Variants in NAV2 observed in about 807,000 individuals in gnomAD.
NAV2 encodes the protein helicase, APC down-regulated 1.
NAV2 carries 54 observed loss-of-function variants against 223.2 expected under a neutral mutation model. The ratio of observed to expected loss-of-function variants is 0.24; its 90% CI spans 0.19 to 0.30. The LOEUF (loss-of-function observed/expected upper bound fraction) is 0.30. Among genes scored for constraint, NAV2 ranks in the 10% least tolerant of loss-of-function variants. NAV2 has a pLI of 1.00. For missense variants in NAV2, 2,806 were observed against 3,147.5 expected, an observed-to-expected ratio of 0.89 and a Z score of 2.60; for synonymous variants, 1,279 against 1,239.3, an observed-to-expected ratio of 1.03 and a Z score of -0.67.
intron 10 of NAV2, among the ~76,000 whole-genome samples, chr11:19,966,106 C>A (rs946159522): frequency 1.3e-5 from 2 of 152,186 alleles, no homozygotes; most frequent in African/African-American, 4.8e-5. Flanking sequence ...CCTTGGAAGG[C>A]AGAGACTGTC....
At chr11:19,371,490 C>A (rs1175157491) in intron 1 of NAV2, among the ~76,000 whole-genome samples, 4 of 152,158 alleles carry the variant, frequency 2.6e-5, no homozygotes, top group Non-Finnish European at 5.9e-5. Flanking sequence ...AAGTAGTTAA[C>A]GTTTATTGAG....
chr11:19,722,739 T>C (rs1237904819), intron 1 of NAV2, among the ~76,000 whole-genome samples: 1 of 152,178 alleles, frequency 6.6e-6, no homozygotes, highest in Non-Finnish European at 1.5e-5. Context: ...GAACTCGAGC[T>C]GTGGATGGAT....
chr11:19,467,004 CACACACACACACACAG>C (rs1236546796), intron 1 of NAV2, among the ~76,000 whole-genome samples: 1 of 130,702 alleles, frequency 7.7e-6, no homozygotes, highest in African/African-American at 2.8e-5. Context: ...CACACACACA[CACACACACACACACAG>C]AGAGAGAGAG....
At chr11:19,421,934 G>T (rs1342536888) in intron 1 of NAV2, among the ~76,000 whole-genome samples, 7 of 152,126 alleles carry the variant, frequency 4.6e-5, no homozygotes, top group Non-Finnish European at 1.0e-4. Context: ...TCATTTTCTT[G>T]CTGTGTGACA....
At chr11:19,844,489 A>G (rs905787255) in intron 3 of NAV2, among the ~76,000 whole-genome samples, 8 of 152,218 alleles carry the variant, frequency 5.3e-5, no homozygotes, top group African/African-American at 1.9e-4. Context: ...TGGGACCAGA[A>G]ATGTTTTGGA....
chr11:19,511,346 G>A (rs909030034), intron 1 of NAV2: 3 of 152,196 alleles, frequency 2.0e-5, no homozygotes, highest in Admixed American at 2.0e-4. Flanking sequence ...AGGCTTATGT[G>A]AAATGTCCAA....
At chr11:20,083,270 C>A in intron 26 of NAV2, 91 bp downstream of exon 26, 1 of 1,019,760 alleles carries the variant, frequency 9.8e-7, no homozygotes. Context: ...GACACATCTG[C>A]TCCTTGGGAT....
chr11:19,376,447 G>A (rs889357247), intron 1 of NAV2, among the ~76,000 whole-genome samples: 13 of 152,166 alleles, frequency 8.5e-5, no homozygotes, highest in East Asian at 1.9e-4. Flanking sequence ...AGGAGGAGAC[G>A]AGGGCACAGA....
chr11:20,027,117 A>C (rs1200853644), intron 11 of NAV2: 1 of 255,478 alleles, frequency 3.9e-6, no homozygotes, highest in Non-Finnish European at 6.1e-6. Flanking sequence ...GGATTTTCTT[A>C]ACAGGCCCCA....
At position 19,695,585 on chromosome 11, in the gene NAV2, G is replaced by T. The variant is rs142689966; in HGVS notation, c.76-136899G>T. On this transcript the variant is annotated intron_variant, in intron 1 of 37. Coordinates refer to the NAV2 transcript ENST00000360655. ...TGTCATAAAGAGTTTTGTCCCTTCT[G>T]GTTTACCATTTGAGTTCTGTCTAAA... is the stretch of plus-strand genomic sequence containing the variant. Among the ~76,000 whole-genome samples, 510 of 152,236 alleles carry T rather than the reference G, an allele frequency of 3.4e-3. 4 individuals are homozygous for T. The highest frequency in any genetic ancestry group is 0.011 in the African/African-American group (464 of 41,544).
chr11:19,805,040 GT>G (rs2058476723), intron 1 of NAV2, among the ~76,000 whole-genome samples: 1 of 152,182 alleles, frequency 6.6e-6, no homozygotes, highest in Non-Finnish European at 1.5e-5. Context: ...TGAAAGTCAA[GT>G]TAAGGAAGTA....
chr11:19,844,412 G>A (rs1406511071), intron 3 of NAV2, among the ~76,000 whole-genome samples: 1 of 152,170 alleles, frequency 6.6e-6, no homozygotes, highest in Non-Finnish European at 1.5e-5. Context: ...TTCTATTGGA[G>A]GTTTTGCGTG....
intron 31 of NAV2, among the ~76,000 whole-genome samples, chr11:20,099,546 C>T (rs1174963658): frequency 6.6e-6 from 1 of 152,182 alleles, no homozygotes; most frequent in Non-Finnish European, 1.5e-5. Flanking sequence ...TTTAGCACCT[C>T]AAGGGATCAG....
chr11:19,988,103 T>C (rs79804244), intron 11 of NAV2, among the ~76,000 whole-genome samples: 3 of 152,320 alleles, frequency 2.0e-5, no homozygotes, highest in East Asian at 3.9e-4. Flanking sequence ...AGAGCTTTGA[T>C]AGTGTAAAGA....
At chr11:20,115,105 T>C (rs1340291568) in intron 37 of NAV2, among the ~76,000 whole-genome samples, 1 of 152,124 alleles carries the variant, frequency 6.6e-6, no homozygotes, top group African/African-American at 2.4e-5. Flanking sequence ...CCACCTCTAT[T>C]ACCTACTATC....
intron 1 of NAV2, among the ~76,000 whole-genome samples, chr11:19,758,340 G>T (rs2054407159): frequency 6.6e-6 from 1 of 152,212 alleles, no homozygotes. Flanking sequence ...GGTCAGGGAA[G>T]GCCTCTCTGA....
chr11:20,043,740 C>T, intron 12 of NAV2: 2 of 453,524 alleles, frequency 4.4e-6, no homozygotes, highest in Non-Finnish European at 7.9e-6. Flanking sequence ...CTGTGCCCAG[C>T]CATCTCGTTC....
intron 1 of NAV2, among the ~76,000 whole-genome samples, chr11:19,547,697 C>A (rs770032091): frequency 6.6e-6 from 1 of 152,120 alleles, no homozygotes; most frequent in Non-Finnish European, 1.5e-5. Flanking sequence ...ACAAGTAGGA[C>A]CCCCTCTCTT....
chr11:20,064,815 G>A (rs979977895), intron 20 of NAV2, among the ~76,000 whole-genome samples: 3 of 152,130 alleles, frequency 2.0e-5, no homozygotes, highest in African/African-American at 2.4e-5. Flanking sequence ...CAAGAGACCC[G>A]AGGTGTAATC....
Sources: allele counts gnomAD v4.1 joint callset (sites outside exome capture counted in the v4.1 genomes callset), GRCh38; gene constraint gnomAD v4.1.1; transcripts MANE v1.5; gene names NCBI Gene and HGNC (gene_info 2026-07-23, HGNC 2026-07-21).